The following TMEM131L variants were observed in gnomAD, a reference collection of about 807,000 sequenced individuals.
TMEM131L encodes the protein transmembrane 131 like, also known as transmembrane protein 131-like.
A neutral mutation model predicts 192.2 loss-of-function variants in TMEM131L; 54 were observed. The ratio of observed to expected loss-of-function variants is 0.28; its 90% confidence interval spans 0.23 to 0.35. The LOEUF is 0.35. Ranked by LOEUF, TMEM131L falls within the 10% of genes least tolerant of loss-of-function variation. The probability of loss-of-function intolerance (pLI) is 1.00; values close to 1 mark genes in which losing one functional copy is unlikely to be tolerated. For synonymous variants in TMEM131L, 701 were observed against 704.9 expected (o/e 0.99, Z 0.09); for missense variants, 1,888 against 1,972.9 (o/e 0.96, Z 0.82).
At chr4:153,584,603 T>G (rs546514676) in intron 11 of TMEM131L, among the ~76,000 whole-genome samples, 19 of 152,342 alleles carry the variant, frequency 1.2e-4, no homozygotes, top group African/African-American at 4.6e-4. Flanking sequence ...TGTTTCACTT[T>G]TGTCATTTCT....
rs1580192990 is a variant in TMEM131L, at chr4:153,550,269, G to T, written c.308+128G>T. On this transcript the variant is annotated intron_variant, in intron 4 of 34. Transcript: ENST00000409959. ...TAATATGAAGGGATATTGATCCTGG[G>T]ACTTAAGAGAAATATTTTTGTGAAA... 55 of 462,016 alleles carry T rather than the reference G, an allele frequency of 1.2e-4. No individual in the cohort carries two copies. In the East Asian group the frequency reaches 2.0e-3, roughly 17 times the overall value. 28.6% of individuals were successfully genotyped at this position (462,016 alleles called of 1,614,324 possible). A position where few individuals can be genotyped will look rare whatever the true frequency, so the allele number is the denominator to read the frequency against.
In TMEM131L at chr4:153,555,839, G is replaced by C; in HGVS notation, c.361G>C (p.Asp121His). The C allele has an allele frequency of 6.4e-7, 1 of 1,551,616 alleles. No homozygotes were observed. The highest frequency in any genetic ancestry group is 8.7e-7 in the Non-Finnish European group (1 of 1,146,870). The change falls in exon 5 of 35, where the codon GAC becomes CAC. Residue 121 changes from aspartate (D) to histidine (H), a missense_variant. Physicochemically the swap from Asp to His is moderately conservative, Grantham distance 81. Transcript: ENST00000409959. This position sits in a 1 kb window ranked among gnomAD's most constrained non-coding sequence, Gnocchi z 4.1. ...TCTCCATGCTTACAACCCTAGTAGGGACAGCGAGGTTGTGGTGAATTCAGT... is the reference window on the plus strand; with the variant it reads ...TCTCCATGCTTACAACCCTAGTAGGCACAGCGAGGTTGTGGTGAATTCAGT... ...KILHAYNPSR[D>H]SEVVVNSVFA...
At chr4:153,537,636 GT>G (rs1736436673) in intron 3 of TMEM131L, among the ~76,000 whole-genome samples, 1 of 152,200 alleles carries the variant, frequency 6.6e-6, no homozygotes, top group Non-Finnish European at 1.5e-5. Context: ...GGCCATCTTG[GT>G]TTTGGTGGGT....
chr4:153,609,044 C>T (rs554424033), intron 25 of TMEM131L, among the ~76,000 whole-genome samples: 15 of 152,110 alleles, frequency 9.9e-5, no homozygotes, highest in Non-Finnish European at 1.6e-4. Context: ...AACTGTGGTA[C>T]ACTCTTACTC....
chr4:153,467,420 A>G, intron 2 of TMEM131L, 139 bp downstream of exon 2: 1 of 724,350 alleles, frequency 1.4e-6, no homozygotes, highest in Admixed American at 2.7e-5. Context: ...TTAGGGGCCG[A>G]GCCTGAACAC....
intron 3 of TMEM131L, among the ~76,000 whole-genome samples, chr4:153,507,956 C>T (rs994480730): frequency 2.6e-5 from 4 of 151,962 alleles, no homozygotes; most frequent in African/African-American, 7.3e-5. Context: ...CAGCTAAGAA[C>T]GCTGACACAT....
chr4:153,602,757 C>A, intron 23 of TMEM131L, 30 bp downstream of exon 23: 2 of 1,602,090 alleles, frequency 1.2e-6, no homozygotes, highest in South Asian at 2.2e-5. Flanking sequence ...CTTGTTCTCT[C>A]ACTGAGTAGA....
chr4:153,492,617 C>T (rs561898845), intron 3 of TMEM131L, among the ~76,000 whole-genome samples: 39 of 152,154 alleles, frequency 2.6e-4, no homozygotes, highest in Non-Finnish European at 4.9e-4. Context: ...TGCTAGACAG[C>T]CCCTGAAGCA....
intron 26 of TMEM131L, among the ~76,000 whole-genome samples, chr4:153,615,944 T>A (rs1459531706): frequency 6.6e-6 from 1 of 152,220 alleles, no homozygotes; most frequent in African/African-American, 2.4e-5. Flanking sequence ...ATGGCAGTTT[T>A]CTTAATTTCT....
rs116245743 is a variant in TMEM131L, at chr4:153,610,885, T to C, written c.3419-1367T>C. Among the ~76,000 whole-genome samples, 906 of 152,256 alleles carry C rather than the reference T, an allele frequency of 6.0e-3. 13 individuals are homozygous for C. Among genetic ancestry groups the C allele is most frequent in the African/African-American group, 0.02 (837 of 41,540 alleles). ...GGGAAATATTTGCTCTGCCCTATGG[T>C]CATCTAGACGTCTCAAATTTCAAAG... is the stretch of plus-strand genomic sequence containing the variant. On this transcript the variant is annotated intron_variant, in intron 25 of 34. Transcript: ENST00000409959.
chr4:153,528,989 G>T (rs1379588359), intron 3 of TMEM131L, among the ~76,000 whole-genome samples: 1 of 152,076 alleles, frequency 6.6e-6, no homozygotes, highest in Non-Finnish European at 1.5e-5. Context: ...GGATTAAAGA[G>T]GTGGGATCCA....
intron 21 of TMEM131L, 143 bp from the exon 22 acceptor site, chr4:153,602,009 C>T: frequency 1.9e-6 from 1 of 521,606 alleles, no homozygotes; most frequent in Non-Finnish European, 3.3e-6. Context: ...AGAAATCATT[C>T]TTTGAGCTTA....
intron 3 of TMEM131L, among the ~76,000 whole-genome samples, chr4:153,546,158 G>A (rs759170500): frequency 1.3e-5 from 2 of 151,826 alleles, no homozygotes; most frequent in Admixed American, 6.6e-5. Context: ...CTTAAAGTGC[G>A]GGGATTACAG....
chr4:153,588,120 T>C (rs541228766), intron 15 of TMEM131L, among the ~76,000 whole-genome samples: 1 of 151,616 alleles, frequency 6.6e-6, no homozygotes, highest in South Asian at 2.1e-4. Flanking sequence ...CTGATTCTTT[T>C]ATGAAAGAAC....
chr4:153,466,576 C>G, intron 1 of TMEM131L, 55 bp downstream of exon 1: 2 of 1,262,352 alleles, frequency 1.6e-6, no homozygotes. Flanking sequence ...CCCGCTCTTT[C>G]TTTTAGGGAA....
intron 7 of TMEM131L, among the ~76,000 whole-genome samples, chr4:153,574,313 T>C (rs1561204653): frequency 1.4e-5 from 2 of 144,518 alleles, no homozygotes; most frequent in Non-Finnish European, 3.0e-5. Flanking sequence ...AATAAAAGGG[T>C]AGTGGTGGTG....
chr4:153,481,440 G>C (rs151130197), intron 3 of TMEM131L, among the ~76,000 whole-genome samples: 53 of 152,262 alleles, frequency 3.5e-4, no homozygotes, highest in African/African-American at 1.1e-3. Context: ...TTGATTACTT[G>C]TTATGTTTTG....
intron 7 of TMEM131L, among the ~76,000 whole-genome samples, chr4:153,563,667 C>T (rs879488011): frequency 4.6e-5 from 7 of 151,724 alleles, no homozygotes; most frequent in Non-Finnish European, 8.8e-5. Context: ...AAGATTTTGC[C>T]ATGTTGCCCT....
At chr4:153,506,007 T>C (rs962824897) in intron 3 of TMEM131L, among the ~76,000 whole-genome samples, 3 of 152,162 alleles carry the variant, frequency 2.0e-5, no homozygotes, top group Admixed American at 1.3e-4. Context: ...AACTTTTTCA[T>C]GTAGTAAAAA....
Sources: allele counts gnomAD v4.1 joint callset (sites outside exome capture counted in the v4.1 genomes callset), GRCh38; gene constraint gnomAD v4.1.1; non-coding constraint Gnocchi (gnomAD v3.1); transcripts MANE v1.5; gene names NCBI Gene and HGNC (gene_info 2026-07-23, HGNC 2026-07-21).